Variants in PROM1 observed in about 807,000 individuals in gnomAD.
The protein encoded by PROM1 is prominin 1.
A neutral mutation model predicts 116.9 loss-of-function variants in PROM1; 105 were observed. The observed-to-expected ratio is 0.90, with a 90% CI of 0.77 to 1.06. The LOEUF is 1.06. PROM1 is among the 50% of genes least tolerant of loss of function. The pLI is 0.00. For synonymous variants in PROM1, 393 were observed against 387.0 expected (o/e 1.02, Z -0.18); for missense variants, 1,122 against 1,045.2 (o/e 1.07, Z -1.01).
chr4:16,064,469 C>G (rs1741061120), intron 2 of PROM1, among the ~76,000 whole-genome samples: 1 of 152,122 alleles, frequency 6.6e-6, no homozygotes, highest in Non-Finnish European at 1.5e-5. Context: ...GACCAGGTAA[C>G]AAGAGGCAGT....
At chr4:15,970,109 G>A (rs1714043040) in intron 27 of PROM1, among the ~76,000 whole-genome samples, 1 of 151,596 alleles carries the variant, frequency 6.6e-6, no homozygotes, top group Non-Finnish European at 1.5e-5. Flanking sequence ...GGGACTACAG[G>A]CAGGTACCAC....
intron 2 of PROM1, among the ~76,000 whole-genome samples, chr4:16,046,925 T>A (rs747305071): frequency 2.6e-5 from 4 of 152,184 alleles, no homozygotes; most frequent in Admixed American, 1.3e-4. Flanking sequence ...CTTCCCACCC[T>A]CATTCCCAAA....
In PROM1 at chr4:15,984,409, G is replaced by A. The variant is rs1006368680; in HGVS notation, c.2281-54C>T. The A allele has an allele frequency of 1.5e-5, 20 of 1,301,878 alleles. No individual in the cohort carries two copies. The Admixed American group carries it at 1.7e-4, about 11-fold the overall frequency. The allele number at this position is 1,301,878 out of a possible 1,614,324, so 80.6% of individuals were successfully genotyped here. A position where few individuals can be genotyped will look rare whatever the true frequency, so the allele number is the denominator to read the frequency against. On this transcript the variant is annotated intron_variant, in intron 22 of 27. Coordinates refer to ENST00000447510, the MANE Select transcript of PROM1 (RefSeq NM_006017.3). The stretch of plus-strand genomic sequence containing the variant: ...TGAGCTGCATCCACAAAAACCCAAA[G>A]GAATGAGACGTGCCATTTACTTTTG...
chr4:16,025,428 C>T (rs1731011972), intron 5 of PROM1, 116 bp from the exon 6 acceptor site: 1 of 1,288,898 alleles, frequency 7.8e-7, no homozygotes, highest in Non-Finnish European at 1.1e-6. Flanking sequence ...ACTGGCCTTT[C>T]CTCTCCCGCT....
chr4:16,071,656 G>A (rs1488447089), intron 2 of PROM1, among the ~76,000 whole-genome samples: 5 of 152,190 alleles, frequency 3.3e-5, no homozygotes, highest in Admixed American at 1.3e-4. Context: ...AGCACACAGC[G>A]AGAAGGTGGC....
intron 2 of PROM1, among the ~76,000 whole-genome samples, chr4:16,042,547 A>G (rs1034708366): frequency 3.9e-5 from 6 of 152,244 alleles, no homozygotes; most frequent in African/African-American, 1.4e-4. Flanking sequence ...TATGTGCTGT[A>G]TCCACATCAC....
At chr4:16,031,348 AG>A in intron 5 of PROM1, among the ~76,000 whole-genome samples, 1 of 152,250 alleles carries the variant, frequency 6.6e-6, no homozygotes, top group East Asian at 1.9e-4. Context: ...TCAGGCTTAC[AG>A]GAAACACACC....
chr4:15,981,030 C>T (rs975491081), intron 23 of PROM1, among the ~76,000 whole-genome samples: 21 of 151,276 alleles, frequency 1.4e-4, no homozygotes, highest in Admixed American at 9.8e-4. Context: ...GGTGCGATCT[C>T]GGCTCACTGC....
At chr4:16,037,086 A>G (rs1282372047) in intron 3 of PROM1, among the ~76,000 whole-genome samples, 1 of 152,184 alleles carries the variant, frequency 6.6e-6, no homozygotes, top group East Asian at 1.9e-4. Context: ...GCCCAGCTCC[A>G]GCTCAGACTC....
intron 26 of PROM1, among the ~76,000 whole-genome samples, chr4:15,973,108 T>G (rs1715043137): frequency 6.6e-6 from 1 of 152,148 alleles, no homozygotes; most frequent in Non-Finnish European, 1.5e-5. Flanking sequence ...TTCCCCGGGA[T>G]CCACCTGCTT....
At chr4:16,046,061 A>G (rs760021625) in intron 2 of PROM1, among the ~76,000 whole-genome samples, 1 of 152,252 alleles carries the variant, frequency 6.6e-6, no homozygotes, top group African/African-American at 2.4e-5. Context: ...GGAATAGTGC[A>G]TCAGATAGGG....
chr4:15,973,351 G>T (rs1715148710), intron 26 of PROM1, among the ~76,000 whole-genome samples: 1 of 152,176 alleles, frequency 6.6e-6, no homozygotes, highest in African/African-American at 2.4e-5. Flanking sequence ...GGAGGCTGAA[G>T]CACAAGAATC....
At chr4:16,051,928 T>C (rs752855745) in intron 2 of PROM1, among the ~76,000 whole-genome samples, 4 of 152,206 alleles carry the variant, frequency 2.6e-5, no homozygotes, top group Non-Finnish European at 4.4e-5. Flanking sequence ...CATGACATCT[T>C]CTAATTTGCT....
At position 15,969,200 on chromosome 4, in the gene PROM1, G is replaced by A. The variant is rs1713764317; in HGVS notation, c.*193C>T. On this transcript the variant is annotated 3_prime_UTR_variant, in exon 28 of 28. Coordinates refer to ENST00000447510, the MANE Select transcript of PROM1 (RefSeq NM_006017.3). ...ATAGTGATGGACCATGGACTATAAC[G>A]TGATTGTGTTCATTCTTAAAGCACT... is the stretch of plus-strand genomic sequence containing the variant. 1.3e-5 allele frequency: 2 copies of A among 152,296 alleles called. No homozygotes were observed. Among genetic ancestry groups the A allele is most frequent in the South Asian group, 2.1e-4 (1 of 4,828 alleles). 9.4% of individuals were successfully genotyped at this position (152,296 alleles called of 1,614,324 possible). A position where few individuals can be genotyped will look rare whatever the true frequency, so the allele number is the denominator to read the frequency against.
chr4:16,022,822 C>G (rs894095917), intron 8 of PROM1, among the ~76,000 whole-genome samples: 2 of 152,160 alleles, frequency 1.3e-5, no homozygotes, highest in Admixed American at 1.3e-4. Context: ...TTTCTTGCTT[C>G]TAAGTTTCTC....
chr4:15,985,985 GTGA>G lies in PROM1; in HGVS notation c.2180_2182del (p.Ile727del). The G allele has an allele frequency of 7.3e-7, 1 of 1,366,592 alleles. No individual in the cohort carries two copies. The highest frequency in any genetic ancestry group is 9.7e-7 in the Non-Finnish European group (1 of 1,031,658). The allele number at this position is 1,366,592 out of a possible 1,614,324, so 84.7% of individuals were successfully genotyped here. A position where few individuals can be genotyped will look rare whatever the true frequency, so the allele number is the denominator to read the frequency against. On this transcript the variant is annotated inframe_deletion, in exon 21 of 28. Coordinates refer to ENST00000447510, the MANE Select transcript of PROM1 (RefSeq NM_006017.3). ...AATAATAACAGAGGAAGTATTGTTT[GTGA>G]TGAAGTTCTGAGCAAAATCCAGAGA...
chr4:16,036,087 G>A (rs180675139), intron 3 of PROM1, among the ~76,000 whole-genome samples: 12 of 152,266 alleles, frequency 7.9e-5, no homozygotes, highest in Admixed American at 4.6e-4. Context: ...CTAACCATGT[G>A]ATCTTCATAA....
chr4:15,989,730 A>G lies in PROM1; in HGVS notation c.2076+2T>C, dbSNP rs772757789. 6 of 1,593,300 alleles carry G rather than the reference A, an allele frequency of 3.8e-6. No homozygotes were observed. The highest frequency in any genetic ancestry group is 5.1e-6 in the Non-Finnish European group (6 of 1,165,532). Reference sequence around the variant, plus strand: ...GAAATACAATACGTCGTTGACTGTTACCAGTGATTGTTCTATAGGAAGGAC... The same window carrying G: ...GAAATACAATACGTCGTTGACTGTTGCCAGTGATTGTTCTATAGGAAGGAC... On this transcript the variant is annotated splice_donor_variant, in intron 19 of 27. Coordinates refer to ENST00000447510, the MANE Select transcript of PROM1 (RefSeq NM_006017.3). LOFTEE classifies it high-confidence loss of function.
At chr4:15,975,186 T>C (rs774802041) in intron 26 of PROM1, among the ~76,000 whole-genome samples, 4 of 152,224 alleles carry the variant, frequency 2.6e-5, no homozygotes, top group Non-Finnish European at 4.4e-5. Flanking sequence ...TGTTACCTCA[T>C]TGAACCCTCA....
Sources: gnomAD v4.1 joint callset for allele counts (sites outside exome capture counted in the v4.1 genomes callset) on GRCh38, gnomAD v4.1.1 for gene constraint, MANE v1.5 for transcripts, NCBI Gene and HGNC (gene_info 2026-07-23, HGNC 2026-07-21) for gene names.